The following GCNT2 variants were observed in gnomAD, a reference collection of about 807,000 sequenced individuals.
GCNT2 encodes glucosaminyl (N-acetyl) transferase 2 (I blood group).
Under a neutral mutation model 34.2 loss-of-function variants are expected in GCNT2, and 34 were observed. That is an observed-to-expected ratio of 1.00 (90% confidence interval 0.76 to 1.32). GCNT2 has a LOEUF of 1.32. Ranked by LOEUF, GCNT2 falls within the 40% of genes most tolerant of loss-of-function variation. The pLI, the probability that GCNT2 is intolerant of heterozygous loss-of-function variation, is 0.00. For missense variants in GCNT2, 584 were observed against 489.4 expected (o/e 1.19, Z -1.82); for synonymous variants, 212 against 188.0 (o/e 1.13, Z -1.04).
chr6:10,621,710 G>GCTTT (rs1221199731), intron 4 of GCNT2: 11 of 416,436 alleles, frequency 2.6e-5, no homozygotes, highest in African/African-American at 1.4e-4. Context: ...CTAGTTTTCA[G>GCTTT]CTTTCTTTCT....
intron 3 of GCNT2, chr6:10,586,464 G>A (rs1764353297): frequency 6.2e-7 from 1 of 1,614,076 alleles, no homozygotes; most frequent in African/African-American, 1.3e-5. Flanking sequence ...GACAGAGTCT[G>A]TGGTTTATGC....
chr6:10,556,433 T>A (rs1762706025), intron 3 of GCNT2: 1 of 1,613,934 alleles, frequency 6.2e-7, no homozygotes, highest in Admixed American at 1.7e-5. Context: ...CATGCCTTTA[T>A]CAATGCGTTA....
chr6:10,539,876 G>C (rs1053046258), intron 3 of GCNT2, among the ~76,000 whole-genome samples: 1 of 152,210 alleles, frequency 6.6e-6, no homozygotes. Context: ...AGGATTGCTT[G>C]AGACCAGCCT....
chr6:10,535,731 G>A (rs1285824768), intron 3 of GCNT2, among the ~76,000 whole-genome samples: 2 of 152,190 alleles, frequency 1.3e-5, no homozygotes, highest in Non-Finnish European at 2.9e-5. Context: ...AGGAATGAAT[G>A]CAAAAACAGC....
chr6:10,532,248 G>A (rs992937732), intron 3 of GCNT2, among the ~76,000 whole-genome samples: 5 of 152,108 alleles, frequency 3.3e-5, no homozygotes, highest in Non-Finnish European at 5.9e-5. Flanking sequence ...CTGACTTCTC[G>A]ACTCGATGTA....
At chr6:10,580,499 C>G (rs1358220608) in intron 3 of GCNT2, among the ~76,000 whole-genome samples, 1 of 151,980 alleles carries the variant, frequency 6.6e-6, no homozygotes, top group East Asian at 1.9e-4. Flanking sequence ...ATTCCTGCAT[C>G]TCGCTTGTGG....
In GCNT2 at chr6:10,529,888, T is replaced by C. The variant is rs367545803; in HGVS notation, c.925+52T>C. 226 of 1,363,164 alleles carry C rather than the reference T, an allele frequency of 1.7e-4. 1 individual carries two copies. The African/African-American group carries it at 2.5e-3, about 15-fold the overall frequency. The allele number at this position is 1,363,164 out of a possible 1,614,324, so 84.4% of individuals were successfully genotyped here. A position where few individuals can be genotyped will look rare whatever the true frequency, so the allele number is the denominator to read the frequency against. ...TTACGAATAAACACTGCATGGTCAA[T>C]ACTAAATAAGTTGCTTTGAAAAGAG... is the stretch of plus-strand genomic sequence containing the variant. On this transcript the variant is annotated intron_variant, in intron 3 of 4. Coordinates refer to ENST00000495262, the MANE Select transcript of GCNT2 (RefSeq NM_145649.5).
At chr6:10,528,473 A>G (rs779117620) in intron 2 of GCNT2, 158 bp from the exon 3 acceptor site, 2 of 230,296 alleles carry the variant, frequency 8.7e-6, no homozygotes, top group South Asian at 6.8e-5. Flanking sequence ...AGGGGAGGGG[A>G]CATAGTTACT....
At chr6:10,602,705 G>A (rs1042568605) in intron 3 of GCNT2, among the ~76,000 whole-genome samples, 2 of 152,188 alleles carry the variant, frequency 1.3e-5, no homozygotes, top group South Asian at 4.1e-4. Context: ...GCTCGTACAT[G>A]GAATTGGAGG....
At chr6:10,565,957 C>T (rs1170360224) in intron 3 of GCNT2, among the ~76,000 whole-genome samples, 1 of 152,154 alleles carries the variant, frequency 6.6e-6, no homozygotes, top group Admixed American at 6.5e-5. Context: ...TTCCCTTCCC[C>T]TACGGTGTAT....
At chr6:10,577,457 C>A (rs1763870182) in intron 3 of GCNT2, among the ~76,000 whole-genome samples, 1 of 152,196 alleles carries the variant, frequency 6.6e-6, no homozygotes, top group Non-Finnish European at 1.5e-5. Context: ...CTGCCCAGAG[C>A]CCCAGGAGCA....
intron 3 of GCNT2, among the ~76,000 whole-genome samples, chr6:10,554,717 C>T (rs550529357): frequency 6.6e-6 from 1 of 152,200 alleles, no homozygotes; most frequent in Non-Finnish European, 1.5e-5. Flanking sequence ...AATTTTAGAT[C>T]ATTCTCTTTG....
chr6:10,553,641 C>A (rs1651842805), intron 3 of GCNT2, among the ~76,000 whole-genome samples: 2 of 152,240 alleles, frequency 1.3e-5, no homozygotes, highest in South Asian at 2.1e-4. Flanking sequence ...CGCCTGTAAT[C>A]CCAGTACTTT....
chr6:10,594,678 GTTCC>G (rs1764777848), intron 3 of GCNT2, among the ~76,000 whole-genome samples: 1 of 152,134 alleles, frequency 6.6e-6, no homozygotes. Context: ...GTGGTCTTGT[GTTCC>G]TACACTAATG....
chr6:10,563,767 A>ATATAT (rs1763135599), intron 3 of GCNT2, among the ~76,000 whole-genome samples: 1 of 68,728 alleles, frequency 1.5e-5, no homozygotes. Flanking sequence ...AAAAAAAAAA[A>ATATAT]AAAAAAAAAA....
chr6:10,574,286 C>T (rs1337679983), intron 3 of GCNT2, among the ~76,000 whole-genome samples: 1 of 152,158 alleles, frequency 6.6e-6, no homozygotes, highest in African/African-American at 2.4e-5. Flanking sequence ...TTTCGGTGGG[C>T]ATCAGGACAA....
At chr6:10,551,238 TG>T (rs1262615748) in intron 3 of GCNT2, among the ~76,000 whole-genome samples, 1 of 152,088 alleles carries the variant, frequency 6.6e-6, no homozygotes, top group Non-Finnish European at 1.5e-5. Flanking sequence ...AGTATTTGCT[TG>T]GCATCATTCA....
intron 3 of GCNT2, among the ~76,000 whole-genome samples, chr6:10,580,690 C>T (rs190450379): frequency 5.1e-4 from 77 of 152,158 alleles, no homozygotes; most frequent in Admixed American, 3.5e-3. Context: ...AGAGTAGGTC[C>T]GACTCGGGTT....
chr6:10,555,592 C>T (rs1237358673), intron 3 of GCNT2: 1 of 196,864 alleles, frequency 5.1e-6, no homozygotes, highest in Non-Finnish European at 9.2e-6. Context: ...TTCTTTTGAC[C>T]CCAGTATTCT....
Sources: allele counts gnomAD v4.1 joint callset (sites outside exome capture counted in the v4.1 genomes callset), GRCh38; gene constraint gnomAD v4.1.1; transcripts MANE v1.5; gene names NCBI Gene and HGNC (gene_info 2026-07-23, HGNC 2026-07-21).